The following GREB1L variants were observed in gnomAD, a reference collection of about 807,000 sequenced individuals.
GREB1L encodes the protein GREB1-like protein.
GREB1L carries 17 observed loss-of-function variants against 200.8 expected under a neutral mutation model. The observed-to-expected ratio is 0.08, with a 90% CI of 0.06 to 0.13. The LOEUF (loss-of-function observed/expected upper bound fraction) is 0.13, where lower values mean the gene tolerates loss of function less well. GREB1L is among the 10% of genes least tolerant of loss of function. GREB1L has a pLI of 1.00. For missense variants in GREB1L, 1,657 were observed against 2,367.7 expected (o/e 0.70, Z 6.23); for synonymous variants, 789 against 893.0 (o/e 0.88, Z 2.08).
In GREB1L at chr18:21,485,638, G is replaced by A. The variant is rs2036099395; in HGVS notation, c.2575G>A (p.Glu859Lys). 6.4e-7 allele frequency: 1 copy of A among 1,551,486 alleles called. No individual in the cohort carries two copies. The highest frequency in any genetic ancestry group is 2.4e-5 in the East Asian group (1 of 40,928). The part of the protein sequence containing the change: ...LDTGEDVGCE[E>K]KLYFGLSEYS... ...GAACCAGGAGGACGTGGGCTGCGAG[G>A]AGAAGCTGTACTTTGGCTTGAGTGA... Residue 859 changes from glutamate to lysine, a missense_variant, in exon 18 of 33, where the codon GAG becomes AAG. By Grantham distance (56) the Glu-to-Lys change is moderately conservative (BLOSUM62 1). Around this residue, in one of 9 missense-constraint regions of GREB1L, gnomAD observed 239 missense variants for 421.8 expected, o/e 0.57. Transcript: ENST00000424526.
intron 16 of GREB1L, among the ~76,000 whole-genome samples, chr18:21,473,422 T>C (rs1373541848): frequency 2.6e-5 from 4 of 151,714 alleles, no homozygotes; most frequent in Non-Finnish European, 4.4e-5. Flanking sequence ...ATATAAAAAT[T>C]AGCTGGGCCT....
intron 8 of GREB1L, among the ~76,000 whole-genome samples, chr18:21,439,927 T>A (rs1202958640): frequency 6.6e-6 from 1 of 152,220 alleles, no homozygotes; most frequent in Non-Finnish European, 1.5e-5. Context: ...TGTTGTGTGA[T>A]CCTGAACAAA....
At chr18:21,361,539 A>G (rs1182136084) in intron 1 of GREB1L, among the ~76,000 whole-genome samples, 1 of 152,144 alleles carries the variant, frequency 6.6e-6, no homozygotes, top group Non-Finnish European at 1.5e-5. Context: ...TGGGAGATAA[A>G]TCACCACTGG....
intron 2 of GREB1L, among the ~76,000 whole-genome samples, chr18:21,382,553 G>A (rs1477706506): frequency 1.0e-4 from 15 of 149,512 alleles, no homozygotes; most frequent in Non-Finnish European, 1.9e-4. Context: ...GTGCAGTGGC[G>A]CAATCTCGGC....
chr18:21,323,455 A>G (rs146960699), intron 1 of GREB1L, among the ~76,000 whole-genome samples: 1 of 152,236 alleles, frequency 6.6e-6, no homozygotes, highest in Non-Finnish European at 1.5e-5. Flanking sequence ...TGAATAAAGA[A>G]TATGAACAGA....
chr18:21,522,292 G>GA (rs1400041391), intron 32 of GREB1L, among the ~76,000 whole-genome samples: 1 of 151,874 alleles, frequency 6.6e-6, no homozygotes, highest in Admixed American at 6.6e-5. Context: ...CCAACATGAT[G>GA]AAACCCCATC....
At position 21,505,680 on chromosome 18, in the gene GREB1L, A is replaced by G; in HGVS notation, c.4228+113A>G. ...TATGCGCATCATTTTTTAAATTTTC[A>G]TAACTGTTTCTTAGGGCATAAATTA... On this transcript the variant is annotated intron_variant, in intron 24 of 32. Coordinates refer to ENST00000424526, the MANE Select transcript of GREB1L (RefSeq NM_001142966.3). 8 of 1,422,796 alleles carry G rather than the reference A, an allele frequency of 5.6e-6. No homozygotes were observed. The South Asian group carries it at 8.3e-5, about 15-fold the overall frequency. The allele number at this position is 1,422,796 out of a possible 1,614,324, so 88.1% of individuals were successfully genotyped here.
rs1320899827 is a variant in GREB1L, at chr18:21,401,274, A to T, written c.657A>T (p.Leu219=). The change falls in exon 6 of 33, where the codon CTA becomes CTT. Residue 219 remains leucine (L), a synonymous_variant. Transcript: ENST00000424526. The part of the protein sequence containing the change: ...PKKQKHLKYY[L]VRSSQGVLSK... ...AGCAGAAGCACTTAAAGTACTACCT[A>T]GTCAGAAGCTCCCAGGGTGTACTGT... The T allele has an allele frequency of 1.3e-6, 2 of 1,551,726 alleles. No homozygotes were observed. The highest frequency in any genetic ancestry group is 2.4e-5 in the South Asian group (2 of 84,060).
chr18:21,316,800 G>A (rs984466229), intron 1 of GREB1L: 26 of 119,018 alleles, frequency 2.2e-4, no homozygotes, highest in Admixed American at 9.2e-4. Context: ...GTCTTGGTCT[G>A]TCGCCCAGGC....
At position 21,395,484 on chromosome 18, in the gene GREB1L, A is replaced by G. The variant is rs371012004; in HGVS notation, c.455A>G (p.Asn152Ser). The G allele has an allele frequency of 8.0e-5, 124 of 1,551,324 alleles. 1 individual carries two copies. Among genetic ancestry groups the G allele is most frequent in the Middle Eastern group, 1.7e-4 (1 of 5,990 alleles). The change falls in exon 5 of 33, where the codon AAT (asparagine) becomes AGT (serine). Residue 152 changes from asparagine (N) to serine (S), a missense_variant. By Grantham distance (46) the Asn-to-Ser change is conservative. Transcript: ENST00000424526. ...GFLLVGAKSP[N>S]LPEHILVCAV... ...CTCCTGGTGGGGGCCAAGTCTCCCAATCTGCCTGAACACATCCTAGTTTGT... is the reference window on the plus strand; with the variant it reads ...CTCCTGGTGGGGGCCAAGTCTCCCAGTCTGCCTGAACACATCCTAGTTTGT...
intron 1 of GREB1L, among the ~76,000 whole-genome samples, chr18:21,289,767 G>A (rs956190239): frequency 6.6e-6 from 1 of 152,072 alleles, no homozygotes; most frequent in East Asian, 1.9e-4. Context: ...TCTGCTTTAG[G>A]CAATTAAATC....
chr18:21,439,104 A>G (rs1221748282), intron 7 of GREB1L, among the ~76,000 whole-genome samples: 10 of 152,152 alleles, frequency 6.6e-5, no homozygotes. Flanking sequence ...GTAAGGGTAT[A>G]GATAAAGCAA....
intron 1 of GREB1L, among the ~76,000 whole-genome samples, chr18:21,311,595 G>A (rs2038791267): frequency 6.6e-6 from 1 of 152,152 alleles, no homozygotes. Flanking sequence ...CCAGGTACAT[G>A]TGCTGCTCAA....
chr18:21,377,981 GC>G (rs1365993049), intron 2 of GREB1L, among the ~76,000 whole-genome samples: 1 of 152,124 alleles, frequency 6.6e-6, no homozygotes, highest in Non-Finnish European at 1.5e-5. Flanking sequence ...TCCTACCTCA[GC>G]CCCCAAAGTG....
chr18:21,366,764 C>G (rs2039694854), intron 2 of GREB1L, among the ~76,000 whole-genome samples: 2 of 151,972 alleles, frequency 1.3e-5, no homozygotes, highest in Admixed American at 1.3e-4. Flanking sequence ...GCTTAAATAG[C>G]CTGGCATTTC....
At chr18:21,498,626 C>T (rs2036650111) in intron 21 of GREB1L, among the ~76,000 whole-genome samples, 1 of 152,182 alleles carries the variant, frequency 6.6e-6, no homozygotes, top group Non-Finnish European at 1.5e-5. Flanking sequence ...TGGCCTTGCT[C>T]TGCTGAACTC....
rs566012512 is a variant in GREB1L, at chr18:21,463,992, G to A, written c.2183-9039G>A. Among the ~76,000 whole-genome samples, 8 of 152,236 alleles carry A rather than the reference G, an allele frequency of 5.3e-5. No individual in the cohort carries two copies. The South Asian group carries it at 1.0e-3, about 20-fold the overall frequency. ...ATGGCTAAATTTGGAAATTTCTAGCGTCACAAGGAATGATAGCAATGGATT... is the reference window on the plus strand; with the variant it reads ...ATGGCTAAATTTGGAAATTTCTAGCATCACAAGGAATGATAGCAATGGATT... On this transcript the variant is annotated intron_variant, in intron 15 of 32. Coordinates refer to ENST00000424526, the MANE Select transcript of GREB1L (RefSeq NM_001142966.3).
intron 2 of GREB1L, among the ~76,000 whole-genome samples, chr18:21,379,331 C>T (rs1240179200): frequency 3.3e-5 from 5 of 152,092 alleles, no homozygotes; most frequent in East Asian, 3.9e-4. Flanking sequence ...CTCAGCCTCC[C>T]GAGTAGCTGG....
At chr18:21,476,683 C>G (rs931684754) in intron 16 of GREB1L, among the ~76,000 whole-genome samples, 14 of 152,040 alleles carry the variant, frequency 9.2e-5, no homozygotes, top group African/African-American at 3.1e-4. Flanking sequence ...ATTCTCCTGC[C>G]TTAGCCTCCC....
Sources: allele counts gnomAD v4.1 joint callset (sites outside exome capture counted in the v4.1 genomes callset), GRCh38; gene constraint gnomAD v4.1.1; regional missense constraint gnomAD v4.1.1; transcripts MANE v1.5; gene names NCBI Gene and HGNC (gene_info 2026-07-23, HGNC 2026-07-21).